Variants in ANO6 observed in about 807,000 individuals in gnomAD.
The protein encoded by ANO6 is anoctamin-6.
A neutral mutation model predicts 117.5 loss-of-function variants in ANO6; 106 were observed. That is an observed-to-expected ratio of 0.90 (90% CI 0.77 to 1.06). The LOEUF (loss-of-function observed/expected upper bound fraction) is 1.06. ANO6 is among the 50% of genes least tolerant of loss of function. ANO6 has a pLI of 0.00. For synonymous variants in ANO6, 367 were observed against 385.1 expected (o/e 0.95, Z 0.55); for missense variants, 955 against 1,121.1 (o/e 0.85, Z 2.12).
At chr12:45,412,230 A>G (rs773211964) in intron 16 of ANO6, among the ~76,000 whole-genome samples, 1 of 152,176 alleles carries the variant, frequency 6.6e-6, no homozygotes, top group Non-Finnish European at 1.5e-5. Context: ...ACTGTTTTGT[A>G]CTCAGTAATG....
intron 1 of ANO6, among the ~76,000 whole-genome samples, chr12:45,296,613 A>G (rs937956546): frequency 5.3e-5 from 8 of 152,178 alleles, no homozygotes; most frequent in Non-Finnish European, 1.2e-4. Context: ...AAATTTATAT[A>G]CAATACTATT....
At chr12:45,234,759 A>G (rs1355621871) in intron 1 of ANO6, among the ~76,000 whole-genome samples, 1 of 125,196 alleles carries the variant, frequency 8.0e-6, no homozygotes, top group Non-Finnish European at 1.5e-5. Flanking sequence ...CCCACTTCCT[A>G]GCTCAGCTAC....
chr12:45,279,093 C>T (rs1286263345), intron 1 of ANO6, among the ~76,000 whole-genome samples: 2 of 152,164 alleles, frequency 1.3e-5, no homozygotes, highest in African/African-American at 2.4e-5. Context: ...TCACTCTTTC[C>T]AGAGAATACC....
intron 5 of ANO6, 29 bp from the exon 6 acceptor site, chr12:45,348,489 C>A (rs774547713): frequency 2.5e-6 from 4 of 1,578,500 alleles, no homozygotes; most frequent in Admixed American, 1.7e-5. Context: ...ACTATATAAA[C>A]CGCATACTCT....
At position 45,432,083 on chromosome 12, in the gene ANO6, G is replaced by A. The variant is rs1943645391; in HGVS notation, c.*2772G>A. Reference sequence around the variant, plus strand: ...TTCATAAAACATTAATTCACAATGGGGGTCAGAATGTACTCTTGTTGAAAC... The same window carrying A: ...TTCATAAAACATTAATTCACAATGGAGGTCAGAATGTACTCTTGTTGAAAC... On this transcript the variant is annotated 3_prime_UTR_variant, in exon 20 of 20. Coordinates refer to ENST00000320560, the MANE Select transcript of ANO6 (RefSeq NM_001025356.3). The A allele has an allele frequency of 1.0e-6, 1 of 985,304 alleles. No individual in the cohort carries two copies. The highest frequency in any genetic ancestry group is 1.2e-6 in the Non-Finnish European group (1 of 829,914). The allele number at this position is 985,304 out of a possible 1,614,324, so 61.0% of individuals were successfully genotyped here.
chr12:45,397,988 ACT>A (rs1172257191), intron 12 of ANO6, among the ~76,000 whole-genome samples: 1 of 151,722 alleles, frequency 6.6e-6, no homozygotes, highest in African/African-American at 2.4e-5. Flanking sequence ...ATAAAAAAAA[ACT>A]ACAAATAAAT....
chr12:45,255,818 G>GGTTTTTT (rs749001458), intron 1 of ANO6, among the ~76,000 whole-genome samples: 7 of 81,712 alleles, frequency 8.6e-5, no homozygotes, highest in African/African-American at 3.2e-4. Context: ...CTCCCTGGGT[G>GGTTTTTT]TTTTTTTTTT....
chr12:45,383,869 G>T (rs1942228686), intron 10 of ANO6, among the ~76,000 whole-genome samples: 1 of 152,192 alleles, frequency 6.6e-6, no homozygotes, highest in Admixed American at 6.5e-5. Context: ...TCAACATGAA[G>T]TCACCAGCTG....
At chr12:45,429,020 GC>G in intron 19 of ANO6, 84 bp from the exon 20 acceptor site, 11 of 1,510,696 alleles carry the variant, frequency 7.3e-6, no homozygotes, top group Non-Finnish European at 9.9e-6. Flanking sequence ...CAGATAAACT[GC>G]CATAATGACA....
At chr12:45,291,241 G>A (rs139867573) in intron 1 of ANO6, among the ~76,000 whole-genome samples, 2,629 of 151,606 alleles carry the variant, frequency 0.017, 57 homozygotes, top group East Asian at 0.085. Context: ...AGCTACTCAG[G>A]AGGTTGAGGC....
At chr12:45,323,491 A>G (rs1940350670) in intron 2 of ANO6, among the ~76,000 whole-genome samples, 1 of 152,244 alleles carries the variant, frequency 6.6e-6, no homozygotes, top group South Asian at 2.1e-4. Context: ...ACAGGTAGTA[A>G]TGAATAAAGA....
At chr12:45,321,638 C>G (rs1433421133) in intron 2 of ANO6, among the ~76,000 whole-genome samples, 1 of 152,088 alleles carries the variant, frequency 6.6e-6, no homozygotes, top group Non-Finnish European at 1.5e-5. Flanking sequence ...CTTGAAATGA[C>G]AGTCGCGTGT....
At position 45,348,063 on chromosome 12, in the gene ANO6, C is replaced by T. The variant is rs144883809; in HGVS notation, c.381C>T (p.His127=). ...LDDKLVFVKV[H]APWEVLCTYA... is the part of the protein sequence containing the mutation. ...ACAAGCTTGTATTTGTAAAAGTACA[C>T]GCACCATGGGAGGTGTTATGTACGT... Residue 127 remains histidine, a synonymous_variant, in exon 5 of 20, where the codon CAC becomes CAT. Coordinates refer to ENST00000320560, the MANE Select transcript of ANO6 (RefSeq NM_001025356.3). 8.1e-5 allele frequency: 131 copies of T among 1,613,840 alleles called. No individual in the cohort carries two copies. Among genetic ancestry groups the T allele is most frequent in the African/African-American group, 3.2e-4 (24 of 74,992 alleles).
At position 45,357,334 on chromosome 12, in the gene ANO6, G is replaced by C. The variant is rs778878497; in HGVS notation, c.908G>C (p.Gly303Ala). Reference sequence around the variant, plus strand: ...ATTGGAATCTACTTTGCTTGGCTGGGCTATTACACTCAGATGCTTCTCCTG... The same window carrying C: ...ATTGGAATCTACTTTGCTTGGCTGGCCTATTACACTCAGATGCTTCTCCTG... Reference protein sequence around the residue: ...EKIGIYFAWLGYYTQMLLLAA... With the variant: ...EKIGIYFAWLAYYTQMLLLAA... Residue 303 changes from glycine to alanine, a missense_variant, in exon 8 of 20, where the codon GGC becomes GCC. Coordinates refer to ENST00000320560, the MANE Select transcript of ANO6 (RefSeq NM_001025356.3). The C allele has an allele frequency of 1.2e-6, 2 of 1,613,984 alleles. No homozygotes were observed. The highest frequency in any genetic ancestry group is 1.7e-6 in the Non-Finnish European group (2 of 1,179,964).
chr12:45,239,652 T>G (rs1384564434), intron 1 of ANO6, among the ~76,000 whole-genome samples: 2 of 152,224 alleles, frequency 1.3e-5, no homozygotes, highest in Non-Finnish European at 2.9e-5. Context: ...GTGTCGATTT[T>G]AGATCTTTCC....
chr12:45,319,781 G>C (rs1186427420), intron 2 of ANO6, among the ~76,000 whole-genome samples: 4 of 152,144 alleles, frequency 2.6e-5, no homozygotes, highest in Admixed American at 6.5e-5. Context: ...ATTAATTATT[G>C]CCTTAATTTC....
At chr12:45,349,036 T>C (rs1388192502) in intron 6 of ANO6, among the ~76,000 whole-genome samples, 1 of 152,144 alleles carries the variant, frequency 6.6e-6, no homozygotes, top group Admixed American at 6.5e-5. Context: ...ACCTACCTCC[T>C]AGAGTTGTTA....
chr12:45,291,675 T>C (rs1010295881), intron 1 of ANO6, among the ~76,000 whole-genome samples: 25 of 152,154 alleles, frequency 1.6e-4, no homozygotes, highest in African/African-American at 6.0e-4. Flanking sequence ...CAAAAGAATA[T>C]GTACAGATAT....
intron 19 of ANO6, among the ~76,000 whole-genome samples, chr12:45,428,854 C>G (rs966224657): frequency 6.6e-6 from 1 of 151,950 alleles, no homozygotes; most frequent in Admixed American, 6.6e-5. Flanking sequence ...TTTCTTTATC[C>G]TTTATAACCA....
Sources: allele counts gnomAD v4.1 joint callset (sites outside exome capture counted in the v4.1 genomes callset), GRCh38; gene constraint gnomAD v4.1.1; transcripts MANE v1.5; gene names NCBI Gene and HGNC (gene_info 2026-07-23, HGNC 2026-07-21).